POU6F2: variants seen among roughly 807,000 people sequenced by gnomAD.
The protein encoded by POU6F2 is POU class 6 homeobox 2, also known as POU domain, class 6, transcription factor 2.
Under a neutral mutation model 71.3 loss-of-function variants are expected in POU6F2, and 31 were observed. The ratio of observed to expected loss-of-function variants is 0.43; its 90% CI spans 0.33 to 0.59. The LOEUF (loss-of-function observed/expected upper bound fraction) is 0.59, where lower values mean the gene tolerates loss of function less well. POU6F2 is among the 20% of genes least tolerant of loss of function. The probability of loss-of-function intolerance (pLI) is 0.04; values close to 1 mark genes in which losing one functional copy is unlikely to be tolerated. For missense variants in POU6F2, 783 were observed against 856.8 expected (o/e 0.91, Z 1.07); for synonymous variants, 347 against 355.7 (o/e 0.98, Z 0.27).
intron 3 of POU6F2, among the ~76,000 whole-genome samples, chr7:39,205,351 G>A (rs1405231708): frequency 6.6e-6 from 1 of 152,156 alleles, no homozygotes; most frequent in Non-Finnish European, 1.5e-5. Flanking sequence ...ACACCTGCCT[G>A]TGAACATACT....
At chr7:39,179,579 T>C (rs922570750) in intron 2 of POU6F2, among the ~76,000 whole-genome samples, 2 of 152,146 alleles carry the variant, frequency 1.3e-5, no homozygotes, top group Non-Finnish European at 1.5e-5. Flanking sequence ...TGATCTTTGA[T>C]ACACATAGAA....
At chr7:39,257,063 C>T (rs942302034) in intron 4 of POU6F2, among the ~76,000 whole-genome samples, 1 of 152,178 alleles carries the variant, frequency 6.6e-6, no homozygotes, top group African/African-American at 2.4e-5. Context: ...TTATGAGGAA[C>T]TCCCGTCAAC....
Position 39,213,665 on chromosome 7 carries a change from A to G in POU6F2, c.598+6045A>G, listed in dbSNP as rs141963920. On this transcript the variant is annotated intron_variant, in intron 4 of 9. Coordinates refer to ENST00000518318, the MANE Select transcript of POU6F2 (RefSeq NM_001370959.1). ...TTGTGTCTGGCTTTTCTCATTCGGCATAATGTTTTTGAGGTTCATCCATGT... is the reference window on the plus strand; with the variant it reads ...TTGTGTCTGGCTTTTCTCATTCGGCGTAATGTTTTTGAGGTTCATCCATGT... 1.6e-3 allele frequency among the ~76,000 whole-genome samples: 239 copies of G among 152,278 alleles called. 1 individual carries two copies. The highest frequency in any genetic ancestry group is 5.4e-3 in the African/African-American group (226 of 41,534).
chr7:39,006,695 A>C, intron 1 of POU6F2: 1 of 735,968 alleles, frequency 1.4e-6, no homozygotes, highest in East Asian at 2.6e-5. Flanking sequence ...CATGTGTGTC[A>C]TTTCAGCTGA....
chr7:39,165,388 G>A (rs532532851), intron 2 of POU6F2, among the ~76,000 whole-genome samples: 1 of 152,306 alleles, frequency 6.6e-6, no homozygotes, highest in African/African-American at 2.4e-5. Flanking sequence ...GTCTAAGACA[G>A]TGATGCCTTA....
intron 4 of POU6F2, among the ~76,000 whole-genome samples, chr7:39,318,578 AC>A (rs920379144): frequency 6.6e-6 from 1 of 152,196 alleles, no homozygotes; most frequent in Admixed American, 6.5e-5. Context: ...AGTGCATTTA[AC>A]CCAGTAGTTC....
intron 1 of POU6F2, among the ~76,000 whole-genome samples, chr7:39,082,794 GCACACACACACACACACACACA>G (rs35710081): frequency 1.2e-4 from 17 of 137,078 alleles, no homozygotes; most frequent in African/African-American, 4.2e-4. Flanking sequence ...ACCATGTCAT[GCACACACACACACACACACACA>G]CACACACACA....
intron 7 of POU6F2, among the ~76,000 whole-genome samples, chr7:39,445,084 C>T (rs1788493053): frequency 6.6e-6 from 1 of 152,174 alleles, no homozygotes; most frequent in Non-Finnish European, 1.5e-5. Context: ...TGAGAGACAG[C>T]TTATTCAAAT....
intron 2 of POU6F2, among the ~76,000 whole-genome samples, chr7:39,193,011 G>T (rs1027585703): frequency 6.6e-6 from 1 of 152,134 alleles, no homozygotes; most frequent in African/African-American, 2.4e-5. Context: ...TGGGCATTGT[G>T]CATCACCTAG....
intron 4 of POU6F2, among the ~76,000 whole-genome samples, chr7:39,260,488 C>T (rs1414548549): frequency 1.4e-5 from 2 of 139,164 alleles, no homozygotes; most frequent in Admixed American, 7.9e-5. Flanking sequence ...ACACAAGCCA[C>T]ACACACATCA....
At position 39,430,278 on chromosome 7, in the gene POU6F2, A is replaced by G. The variant is rs546597857; in HGVS notation, c.1114-2799A>G. On this transcript the variant is annotated intron_variant, in intron 6 of 9. Coordinates refer to ENST00000518318, the MANE Select transcript of POU6F2 (RefSeq NM_001370959.1). The stretch of plus-strand genomic sequence containing the variant: ...AAAGGGGAACAAAAATAAGAAATGC[A>G]TAGTGCCACCAAAGGCTTCCTGACT... 2.6e-5 allele frequency among the ~76,000 whole-genome samples: 4 copies of G among 152,344 alleles called. No individual in the cohort carries two copies. In the South Asian group the frequency reaches 6.2e-4, roughly 24 times the overall value.
chr7:39,209,777 A>G (rs1326232985), intron 4 of POU6F2, among the ~76,000 whole-genome samples: 1 of 152,196 alleles, frequency 6.6e-6, no homozygotes, highest in Non-Finnish European at 1.5e-5. Flanking sequence ...GATAATCCCT[A>G]GGCAGAATCA....
chr7:39,148,954 T>G (rs992219888), intron 2 of POU6F2, among the ~76,000 whole-genome samples: 1 of 152,188 alleles, frequency 6.6e-6, no homozygotes, highest in Non-Finnish European at 1.5e-5. Context: ...CTGGGAAGGA[T>G]GAGGGCATAC....
intron 4 of POU6F2, among the ~76,000 whole-genome samples, chr7:39,215,273 A>T (rs977456477): frequency 6.6e-6 from 1 of 152,198 alleles, no homozygotes; most frequent in African/African-American, 2.4e-5. Context: ...TGTACTTGGG[A>T]GGCGGAAGTT....
chr7:39,408,616 A>G (rs1279846560), intron 6 of POU6F2, among the ~76,000 whole-genome samples: 1 of 152,238 alleles, frequency 6.6e-6, no homozygotes, highest in Non-Finnish European at 1.5e-5. Context: ...ATGATCGTTT[A>G]TTTGATGTGG....
chr7:39,131,015 G>A (rs1027743800), intron 2 of POU6F2, among the ~76,000 whole-genome samples: 1 of 152,182 alleles, frequency 6.6e-6, no homozygotes, highest in Non-Finnish European at 1.5e-5. Flanking sequence ...TGTTACCAGT[G>A]GGAGGAAAGG....
chr7:39,334,475 C>T (rs556084411), intron 4 of POU6F2, among the ~76,000 whole-genome samples: 3 of 151,774 alleles, frequency 2.0e-5, no homozygotes, highest in South Asian at 2.1e-4. Flanking sequence ...ACGTAACAAA[C>T]ATGCACATAT....
At chr7:39,164,768 T>C (rs1793076768) in intron 2 of POU6F2, among the ~76,000 whole-genome samples, 4 of 152,168 alleles carry the variant, frequency 2.6e-5, no homozygotes, top group African/African-American at 9.6e-5. Flanking sequence ...TAAAGTCTAA[T>C]ACTCCTGTAG....
chr7:39,314,634 T>A (rs1490291498), intron 4 of POU6F2, among the ~76,000 whole-genome samples: 7 of 152,240 alleles, frequency 4.6e-5, no homozygotes, highest in African/African-American at 1.7e-4. Flanking sequence ...GTTATAGAAT[T>A]CATAAGAACA....
Sources: gnomAD v4.1 joint callset for allele counts (sites outside exome capture counted in the v4.1 genomes callset) on GRCh38, gnomAD v4.1.1 for gene constraint, MANE v1.5 for transcripts, NCBI Gene and HGNC (gene_info 2026-07-23, HGNC 2026-07-21) for gene names.